The following CTNNA3 variants were observed in gnomAD, a reference collection of about 807,000 sequenced individuals.
The protein encoded by CTNNA3 is catenin alpha-3.
In CTNNA3, 76 loss-of-function variants were observed where a neutral mutation model predicts 95.7. The ratio of observed to expected loss-of-function variants is 0.79; its 90% CI spans 0.66 to 0.96. CTNNA3 has a LOEUF of 0.96. CTNNA3 is among the 40% of genes least tolerant of loss of function. The pLI is 0.00. For missense variants in CTNNA3, 1,191 were observed against 1,089.8 expected, an observed-to-expected ratio of 1.09 and a Z score of -1.31; for synonymous variants, 431 against 374.4, an observed-to-expected ratio of 1.15 and a Z score of -1.74.
chr10:66,771,313 T>C lies in CTNNA3; in HGVS notation c.1128+4131A>G, dbSNP rs1299851984. ...ATATATTTTAGTATGTATAGTAAAA[T>C]AGAAATAAGATATATTTGTTGCTTA... On this transcript the variant is annotated intron_variant, in intron 8 of 17. Coordinates refer to ENST00000433211, the MANE Select transcript of CTNNA3 (RefSeq NM_013266.4). Among the ~76,000 whole-genome samples the C allele has an allele frequency of 2.6e-5, 4 of 152,170 alleles. No individual in the cohort carries two copies. In the East Asian group the frequency reaches 5.8e-4, roughly 22 times the overall value.
chr10:67,576,366 T>G (rs927966224), intron 3 of CTNNA3, among the ~76,000 whole-genome samples: 1 of 152,116 alleles, frequency 6.6e-6, no homozygotes, highest in Non-Finnish European at 1.5e-5. Flanking sequence ...CTACTTTAAA[T>G]GGCCACATAC....
intron 7 of CTNNA3, among the ~76,000 whole-genome samples, chr10:66,915,710 T>A (rs959726332): frequency 6.8e-5 from 10 of 147,266 alleles, no homozygotes; most frequent in African/African-American, 1.0e-4. Context: ...TATATATATA[T>A]AATATATATA....
chr10:67,585,629 T>A (rs1048278933), intron 3 of CTNNA3, among the ~76,000 whole-genome samples: 2 of 152,186 alleles, frequency 1.3e-5, no homozygotes, highest in African/African-American at 4.8e-5. Flanking sequence ...ATATCAATAT[T>A]TATAATCGTC....
chr10:66,027,477 T>C (rs1564587877), intron 15 of CTNNA3, among the ~76,000 whole-genome samples: 1 of 152,184 alleles, frequency 6.6e-6, no homozygotes, highest in Admixed American at 6.5e-5. Context: ...AATAAGGTCA[T>C]TGAATAGGCT....
At chr10:67,663,704 C>T (rs2216740) in intron 1 of CTNNA3, among the ~76,000 whole-genome samples, 62,598 of 152,054 alleles carry the variant, frequency 0.41, 17,295 homozygotes, top group African/African-American at 0.8. Flanking sequence ...CTTTTAACAA[C>T]GAATAAAAAA....
At chr10:67,681,864 AAAG>A (rs1461966447) in intron 1 of CTNNA3, among the ~76,000 whole-genome samples, 1 of 152,158 alleles carries the variant, frequency 6.6e-6, no homozygotes, top group Non-Finnish European at 1.5e-5. Context: ...GGTGGGATAA[AAAG>A]AAGAACTCAG....
At chr10:66,543,102 G>T (rs1011530811) in intron 10 of CTNNA3, among the ~76,000 whole-genome samples, 1 of 151,996 alleles carries the variant, frequency 6.6e-6, no homozygotes, top group African/African-American at 2.4e-5. Flanking sequence ...AATTTTGTTT[G>T]TTTGTTTGTT....
intron 5 of CTNNA3, among the ~76,000 whole-genome samples, chr10:67,221,166 C>T (rs543270076): frequency 5.4e-4 from 82 of 152,254 alleles, no homozygotes; most frequent in African/African-American, 1.9e-3. Context: ...AATAGCAATG[C>T]ATCAGTATCC....
At chr10:66,589,819 G>A (rs1843484960) in intron 10 of CTNNA3, among the ~76,000 whole-genome samples, 1 of 152,074 alleles carries the variant, frequency 6.6e-6, no homozygotes, top group Non-Finnish European at 1.5e-5. Context: ...TCAGATAAAA[G>A]GAAGGACCAT....
intron 7 of CTNNA3, among the ~76,000 whole-genome samples, chr10:67,143,425 T>TTAAAAAAAAAAAAAAAAAAAAAA (rs1860686365): frequency 1.3e-5 from 1 of 76,004 alleles, no homozygotes; most frequent in African/African-American, 4.9e-5. Context: ...GGCTCTGTCT[T>TTAAAAAAAAAAAAAAAAAAAAAA]AAAAAAAAAA....
At chr10:66,742,679 G>A (rs1849368313) in intron 9 of CTNNA3, among the ~76,000 whole-genome samples, 1 of 152,002 alleles carries the variant, frequency 6.6e-6, no homozygotes. Flanking sequence ...TGACACTTAG[G>A]GAATACAGAA....
chr10:66,255,014 T>C (rs1280181294), intron 13 of CTNNA3, among the ~76,000 whole-genome samples: 1 of 152,204 alleles, frequency 6.6e-6, no homozygotes, highest in Non-Finnish European at 1.5e-5. Flanking sequence ...CAAGTCCACC[T>C]TCACTTTAAC....
In CTNNA3 at chr10:66,207,013, T is replaced by C. The variant is rs549933321; in HGVS notation, c.1884+73457A>G. ...CTCTTGGCAGATAAGAGGATGTGCATGTATATTCAGTTGCCATGTAGCATC... is the reference window on the plus strand; with the variant it reads ...CTCTTGGCAGATAAGAGGATGTGCACGTATATTCAGTTGCCATGTAGCATC... On this transcript the variant is annotated intron_variant, in intron 13 of 17. Coordinates refer to ENST00000433211, the MANE Select transcript of CTNNA3 (RefSeq NM_013266.4). Among the ~76,000 whole-genome samples the C allele has an allele frequency of 3.9e-5, 6 of 152,074 alleles. No homozygotes were observed. The East Asian group carries it at 9.6e-4, about 24-fold the overall frequency.
rs1490037933 is a variant in CTNNA3, at chr10:67,610,462, T to A, written c.100-3413A>T. 2.0e-5 allele frequency among the ~76,000 whole-genome samples: 3 copies of A among 152,368 alleles called. No homozygotes were observed. The East Asian group carries it at 5.8e-4, about 29-fold the overall frequency. ...GTCAAGTGAGGTTTTCAATGATTCCTTTTATTTCAGAAAGTAAATATGGCT... is the reference window on the plus strand; with the variant it reads ...GTCAAGTGAGGTTTTCAATGATTCCATTTATTTCAGAAAGTAAATATGGCT... On this transcript the variant is annotated intron_variant, in intron 2 of 17. Transcript: ENST00000433211.
chr10:66,296,888 G>T (rs1199282362), intron 12 of CTNNA3, among the ~76,000 whole-genome samples: 1 of 152,114 alleles, frequency 6.6e-6, no homozygotes, highest in Non-Finnish European at 1.5e-5. Flanking sequence ...ATTAAAAGAT[G>T]GATGTGCTAA....
At chr10:66,958,568 A>G (rs924337900) in intron 7 of CTNNA3, among the ~76,000 whole-genome samples, 1 of 152,178 alleles carries the variant, frequency 6.6e-6, no homozygotes, top group Non-Finnish European at 1.5e-5. Context: ...AAAGAATTCA[A>G]TAAGTAAGTA....
chr10:67,044,563 A>T (rs1854609668), intron 7 of CTNNA3, among the ~76,000 whole-genome samples: 1 of 152,176 alleles, frequency 6.6e-6, no homozygotes, highest in Non-Finnish European at 1.5e-5. Context: ...TGCTCATTAT[A>T]AGAAGTGATA....
At chr10:66,716,190 T>G (rs141448423) in intron 9 of CTNNA3, among the ~76,000 whole-genome samples, 205 of 152,226 alleles carry the variant, frequency 1.3e-3, no homozygotes, top group Middle Eastern at 3.4e-3. Flanking sequence ...AATATACTTA[T>G]CGTGTACAAA....
chr10:67,694,829 T>A (rs1284583019), intron 1 of CTNNA3, among the ~76,000 whole-genome samples: 1 of 152,166 alleles, frequency 6.6e-6, no homozygotes, highest in Non-Finnish European at 1.5e-5. Context: ...TCAAAATTCC[T>A]ACGATGAACA....
Sources: allele counts gnomAD v4.1 joint callset (sites outside exome capture counted in the v4.1 genomes callset), GRCh38; gene constraint gnomAD v4.1.1; transcripts MANE v1.5; gene names NCBI Gene and HGNC (gene_info 2026-07-23, HGNC 2026-07-21).